SCHIP1: variants seen among roughly 807,000 people sequenced by gnomAD.
The protein encoded by SCHIP1 is schwannomin-interacting protein 1.
Under a neutral mutation model 29.7 loss-of-function variants are expected in SCHIP1, and 8 were observed. The ratio of observed to expected loss-of-function variants is 0.27; its 90% CI spans 0.16 to 0.49. SCHIP1 has a LOEUF of 0.49. Among genes scored for constraint, SCHIP1 ranks in the 20% least tolerant of loss-of-function variants. The pLI is 0.99. For synonymous variants in SCHIP1, 76 were observed against 94.9 expected (o/e 0.80, Z 1.16); for missense variants, 193 against 294.6 (o/e 0.66, Z 2.52).
chr3:159,828,848 C>T, the SCHIP1 span, among the ~76,000 whole-genome samples: 23 of 152,132 alleles, frequency 1.5e-4, no homozygotes, highest in Non-Finnish European at 2.9e-4. Flanking sequence ...GACCCTTATT[C>T]CCCTACACAC....
At chr3:159,315,785 A>G in the SCHIP1 span, among the ~76,000 whole-genome samples, 1 of 152,150 alleles carries the variant, frequency 6.6e-6, no homozygotes, top group African/African-American at 2.4e-5. Flanking sequence ...TTTGTAGAGT[A>G]GAACAGCAAG....
the SCHIP1 span, among the ~76,000 whole-genome samples, chr3:159,814,653 C>T: frequency 8.5e-5 from 13 of 152,202 alleles, no homozygotes; most frequent in Non-Finnish European, 8.8e-5. Context: ...GCCGAGCCCC[C>T]GATGTTCTGT....
the SCHIP1 span, among the ~76,000 whole-genome samples, chr3:159,680,644 TA>T: frequency 1.4e-3 from 125 of 86,694 alleles, no homozygotes; most frequent in Non-Finnish European, 2.0e-3. Context: ...ATATATTATA[TA>T]ATATATGTAT....
At chr3:159,763,921 T>A in the SCHIP1 span, 1 of 150,360 alleles carries the variant, frequency 6.7e-6, no homozygotes, top group Admixed American at 6.6e-5. Flanking sequence ...GGACCCGGGC[T>A]CCCAGCCGCG....
At chr3:159,592,700 T>C in the SCHIP1 span, among the ~76,000 whole-genome samples, 1 of 152,050 alleles carries the variant, frequency 6.6e-6, no homozygotes, top group Non-Finnish European at 1.5e-5. Context: ...TATGGCTCCC[T>C]CTACTTTGTT....
the SCHIP1 span, among the ~76,000 whole-genome samples, chr3:159,432,174 A>G: frequency 1.3e-5 from 2 of 152,052 alleles, no homozygotes; most frequent in African/African-American, 4.8e-5. Context: ...CTCACACAAC[A>G]GAAGTTACTG....
At chr3:159,623,700 T>C in the SCHIP1 span, among the ~76,000 whole-genome samples, 1 of 152,178 alleles carries the variant, frequency 6.6e-6, no homozygotes, top group African/African-American at 2.4e-5. Flanking sequence ...GTAGGAAAAG[T>C]AAATGTTCAG....
chr3:159,558,427 A>G, the SCHIP1 span, among the ~76,000 whole-genome samples: 9 of 152,232 alleles, frequency 5.9e-5, no homozygotes, highest in Admixed American at 6.5e-5. Flanking sequence ...CTAGGACAAT[A>G]AGAGACAATA....
At chr3:159,338,267 A>G in the SCHIP1 span, among the ~76,000 whole-genome samples, 1 of 152,192 alleles carries the variant, frequency 6.6e-6, no homozygotes. Flanking sequence ...AACCTTAAAT[A>G]GTGGGGACAA....
chr3:159,365,544 C>T, the SCHIP1 span, among the ~76,000 whole-genome samples: 1 of 152,152 alleles, frequency 6.6e-6, no homozygotes, highest in Non-Finnish European at 1.5e-5. Context: ...CTGTTTAGTG[C>T]TATACCCTGG....
intron 2 of SCHIP1, among the ~76,000 whole-genome samples, chr3:159,873,529 G>A (rs1319938070): frequency 2.0e-5 from 3 of 152,192 alleles, no homozygotes; most frequent in African/African-American, 7.2e-5. Context: ...AGAGTGACAA[G>A]TTGTTAAATG....
chr3:159,683,682 C>A, the SCHIP1 span, among the ~76,000 whole-genome samples: 1 of 152,160 alleles, frequency 6.6e-6, no homozygotes, highest in African/African-American at 2.4e-5. Flanking sequence ...CTCAGCAGAG[C>A]TTTGGAGTTT....
At chr3:159,772,314 C>T in the SCHIP1 span, among the ~76,000 whole-genome samples, 2 of 152,170 alleles carry the variant, frequency 1.3e-5, no homozygotes, top group South Asian at 2.1e-4. Flanking sequence ...CCACCATGCC[C>T]AACTAACTTT....
chr3:159,369,804 C>G, the SCHIP1 span, among the ~76,000 whole-genome samples: 1 of 152,018 alleles, frequency 6.6e-6, no homozygotes, highest in Admixed American at 6.6e-5. Context: ...TTGAGGTTAT[C>G]TAGTTAAAAT....
the SCHIP1 span, among the ~76,000 whole-genome samples, chr3:159,572,807 G>T: frequency 6.6e-6 from 1 of 152,184 alleles, no homozygotes; most frequent in Non-Finnish European, 1.5e-5. Flanking sequence ...CCTGTATTGG[G>T]TGCATATATA....
At chr3:159,795,186 C>T in the SCHIP1 span, among the ~76,000 whole-genome samples, 1 of 152,294 alleles carries the variant, frequency 6.6e-6, no homozygotes, top group East Asian at 1.9e-4. Flanking sequence ...CTGCTAAAGA[C>T]TCTCCGTGAC....
the SCHIP1 span, among the ~76,000 whole-genome samples, chr3:159,664,530 A>G: frequency 5.9e-5 from 9 of 152,366 alleles, no homozygotes; most frequent in East Asian, 1.7e-3. Context: ...AAAAGTGTAC[A>G]TATTAACATT....
the SCHIP1 span, among the ~76,000 whole-genome samples, chr3:159,515,125 T>C: frequency 6.6e-6 from 1 of 152,150 alleles, no homozygotes; most frequent in African/African-American, 2.4e-5. Flanking sequence ...GGGATTATTT[T>C]AGTCTCAAAA....
At chr3:159,718,053 C>A in the SCHIP1 span, among the ~76,000 whole-genome samples, 1 of 152,152 alleles carries the variant, frequency 6.6e-6, no homozygotes, top group Admixed American at 6.5e-5. Context: ...GGCTTCATCC[C>A]TGGGATGCAA....
Sources: gnomAD v4.1 joint callset for allele counts (sites outside exome capture counted in the v4.1 genomes callset) on GRCh38, gnomAD v4.1.1 for gene constraint, MANE v1.5 for transcripts, NCBI Gene and HGNC (gene_info 2026-07-23, HGNC 2026-07-21) for gene names.